RASA1: variants seen among roughly 807,000 people sequenced by gnomAD.
RASA1 encodes the protein ras GTPase-activating protein 1.
RASA1 carries 25 observed loss-of-function variants against 132.2 expected under a neutral mutation model. The ratio of observed to expected loss-of-function variants is 0.19; its 90% CI spans 0.14 to 0.26. RASA1 has a LOEUF of 0.26. Among genes scored for constraint, RASA1 ranks in the 10% least tolerant of loss-of-function variants. The pLI is 1.00. For missense variants in RASA1, 964 were observed against 1,299.2 expected, an observed-to-expected ratio of 0.74 and a Z score of 3.97; for synonymous variants, 477 against 449.9, an observed-to-expected ratio of 1.06 and a Z score of -0.76.
intron 5 of RASA1, among the ~76,000 whole-genome samples, chr5:87,339,191 T>A (rs1489152085): frequency 6.6e-6 from 1 of 152,144 alleles, no homozygotes; most frequent in African/African-American, 2.4e-5. Flanking sequence ...TTCCTATTAA[T>A]TCTCTTACCT....
In RASA1 at chr5:87,374,530, A is replaced by C. The variant is rs542227085; in HGVS notation, c.1934+210A>C. 3.7e-5 allele frequency among the ~76,000 whole-genome samples: 5 copies of C among 136,452 alleles called. No homozygotes were observed. The South Asian group carries it at 1.2e-3, about 31-fold the overall frequency. The allele number at this position is 136,452 out of a possible 152,430, so 89.5% of individuals were successfully genotyped here. On this transcript the variant is annotated intron_variant, in intron 14 of 24. Transcript: ENST00000274376. ...TGCTATGCCCTTGGTTTTTCCACTTAGTTATTAACATGAATTAGCAAGTCA... is the reference window on the plus strand; with the variant it reads ...TGCTATGCCCTTGGTTTTTCCACTTCGTTATTAACATGAATTAGCAAGTCA...
At chr5:87,364,570 T>G (rs1760364382) in intron 11 of RASA1, among the ~76,000 whole-genome samples, 1 of 152,080 alleles carries the variant, frequency 6.6e-6, no homozygotes, top group Non-Finnish European at 1.5e-5. Flanking sequence ...AACACAAAGA[T>G]TGCGTGAGGA....
intron 1 of RASA1, among the ~76,000 whole-genome samples, chr5:87,326,909 G>T (rs902033912): frequency 6.6e-6 from 1 of 152,188 alleles, no homozygotes; most frequent in African/African-American, 2.4e-5. Flanking sequence ...CCCCAAATTA[G>T]ATGGAAAGTA....
intron 6 of RASA1, among the ~76,000 whole-genome samples, chr5:87,346,146 C>G (rs1435376953): frequency 6.6e-6 from 1 of 152,020 alleles, no homozygotes; most frequent in African/African-American, 2.4e-5. Context: ...GTTGAGAACA[C>G]TAAGTCCTTC....
intron 1 of RASA1, among the ~76,000 whole-genome samples, chr5:87,292,036 G>A (rs1422170932): frequency 6.6e-6 from 1 of 152,158 alleles, no homozygotes; most frequent in Non-Finnish European, 1.5e-5. Context: ...TCTTATTGTT[G>A]TGAAGAGTTC....
chr5:87,281,133 GT>G (rs968245178), intron 1 of RASA1, among the ~76,000 whole-genome samples: 2 of 151,624 alleles, frequency 1.3e-5, no homozygotes, highest in African/African-American at 2.4e-5. Context: ...TGGTAATTCT[GT>G]TTTTAATTTT....
At chr5:87,372,676 C>G (rs1761035778) in intron 13 of RASA1, among the ~76,000 whole-genome samples, 1 of 152,076 alleles carries the variant, frequency 6.6e-6, no homozygotes, top group East Asian at 1.9e-4. Context: ...GAGAGTTAAG[C>G]TAGGCTTTCT....
intron 1 of RASA1, among the ~76,000 whole-genome samples, chr5:87,278,105 C>T (rs570189704): frequency 1.3e-5 from 2 of 152,234 alleles, no homozygotes; most frequent in East Asian, 3.9e-4. Flanking sequence ...GTAGGAATAA[C>T]TTGCTAAACT....
At chr5:87,370,614 C>A (rs1580372242) in intron 12 of RASA1, among the ~76,000 whole-genome samples, 1 of 152,162 alleles carries the variant, frequency 6.6e-6, no homozygotes. Flanking sequence ...TGAGTAAGAT[C>A]GAGACACTGT....
At chr5:87,279,173 G>A (rs1469457129) in intron 1 of RASA1, among the ~76,000 whole-genome samples, 2 of 152,172 alleles carry the variant, frequency 1.3e-5, no homozygotes, top group Non-Finnish European at 2.9e-5. Context: ...AGCCTATGAG[G>A]TTGAGGCTGC....
chr5:87,344,661 A>G (rs960924971), intron 6 of RASA1, among the ~76,000 whole-genome samples: 23 of 148,680 alleles, frequency 1.5e-4, no homozygotes, highest in African/African-American at 4.9e-4. Context: ...GTACCACCAC[A>G]CCTGGCAAAT....
chr5:87,365,711 T>A (rs542220071), intron 11 of RASA1, among the ~76,000 whole-genome samples: 201 of 152,104 alleles, frequency 1.3e-3, no homozygotes, highest in African/African-American at 4.5e-3. Context: ...AAAATAATTT[T>A]AAAAAAATGT....
chr5:87,319,195 G>A (rs1043605859), intron 1 of RASA1, among the ~76,000 whole-genome samples: 3 of 152,246 alleles, frequency 2.0e-5, no homozygotes, highest in Non-Finnish European at 2.9e-5. Flanking sequence ...GGCATTGAGT[G>A]CCTGCAACTT....
chr5:87,268,512 G>T lies in RASA1; in HGVS notation c.61G>T (p.Gly21Cys), dbSNP rs1389714364. 1 of 1,575,120 alleles carries T rather than the reference G, an allele frequency of 6.3e-7. No individual in the cohort carries two copies. Among genetic ancestry groups the T allele is most frequent in the Non-Finnish European group, 8.6e-7 (1 of 1,161,576 alleles). Residue 21 changes from glycine to cysteine, a missense_variant, in exon 1 of 25, where the codon GGC becomes TGC. This residue lies in a region of RASA1 where 326 missense variants were observed against 275.8 expected (regional missense o/e 1.18). Coordinates refer to ENST00000274376, the MANE Select transcript of RASA1 (RefSeq NM_002890.3). ...GGPVTAGAGGGGAAAGSSAYP... is the reference protein window; with the variant it reads ...GGPVTAGAGGCGAAAGSSAYP... ...CCCGGTAACAGCCGGAGCTGGAGGAGGCGGCGCGGCAGCGGGCTCCAGTGC... is the reference window on the plus strand; with the variant it reads ...CCCGGTAACAGCCGGAGCTGGAGGATGCGGCGCGGCAGCGGGCTCCAGTGC...
chr5:87,269,166 C>T, intron 1 of RASA1, 176 bp downstream of exon 1: 3 of 1,611,774 alleles, frequency 1.9e-6, no homozygotes, highest in South Asian at 1.1e-5. Flanking sequence ...TACAGGCATA[C>T]TACCTGGCGT....
intron 16 of RASA1, 129 bp from the exon 17 acceptor site, chr5:87,376,752 A>C: frequency 8.3e-7 from 1 of 1,211,054 alleles, no homozygotes; most frequent in African/African-American, 1.5e-5. Flanking sequence ...ATTCTATTTT[A>C]AATAAATTTA....
chr5:87,375,907 G>GTT, intron 15 of RASA1, among the ~76,000 whole-genome samples: 1 of 152,254 alleles, frequency 6.6e-6, no homozygotes, highest in Middle Eastern at 3.4e-3. Flanking sequence ...AAACCCCATA[G>GTT]TAATGACACA....
rs142568496 is a variant in RASA1, at chr5:87,383,333, T to A, written c.2691-380T>A. Among the ~76,000 whole-genome samples the A allele has an allele frequency of 4.3e-4, 65 of 152,290 alleles. No homozygotes were observed. The East Asian group carries it at 0.011, about 25-fold the overall frequency. On this transcript the variant is annotated intron_variant, in intron 20 of 24. Coordinates refer to ENST00000274376, the MANE Select transcript of RASA1 (RefSeq NM_002890.3). ...TATATAAAAAGTTTATTTCTACTCC[T>A]GTGGTATTTCAGAAATTCTTAAGAT...
chr5:87,330,102 A>C (rs1179692754), intron 1 of RASA1, among the ~76,000 whole-genome samples: 1 of 152,158 alleles, frequency 6.6e-6, no homozygotes, highest in Non-Finnish European at 1.5e-5. Context: ...ATGGAACGCT[A>C]TAAATAAGTT....
Sources: allele counts gnomAD v4.1 joint callset (sites outside exome capture counted in the v4.1 genomes callset), GRCh38; gene constraint gnomAD v4.1.1; regional missense constraint gnomAD v4.1.1; transcripts MANE v1.5; gene names NCBI Gene and HGNC (gene_info 2026-07-23, HGNC 2026-07-21).